EPB41L3: variants seen among roughly 807,000 people sequenced by gnomAD.
EPB41L3 encodes band 4.1-like protein 3.
Under a neutral mutation model 127.1 loss-of-function variants are expected in EPB41L3, and 57 were observed. The observed-to-expected ratio is 0.45, with a 90% CI of 0.36 to 0.56. The LOEUF (loss-of-function observed/expected upper bound fraction) is 0.56, where lower values mean the gene tolerates loss of function less well. Ranked by LOEUF, EPB41L3 falls within the 20% of genes least tolerant of loss-of-function variation. The pLI is 0.00. For missense variants in EPB41L3, 1,273 were observed against 1,372.2 expected, an observed-to-expected ratio of 0.93 and a Z score of 1.14; for synonymous variants, 572 against 549.5, an observed-to-expected ratio of 1.04 and a Z score of -0.57.
At chr18:5,483,736 A>G (rs1047925366) in intron 2 of EPB41L3, among the ~76,000 whole-genome samples, 2 of 152,138 alleles carry the variant, frequency 1.3e-5, no homozygotes, top group Admixed American at 6.5e-5. Flanking sequence ...AGGTCACTAC[A>G]TAATGATAAA....
chr18:5,536,619 C>T (rs974363862), intron 1 of EPB41L3, among the ~76,000 whole-genome samples: 15 of 150,108 alleles, frequency 1.0e-4, no homozygotes, highest in East Asian at 5.9e-4. Flanking sequence ...GCCTTGCCAA[C>T]GTGGTAAAAC....
intron 16 of EPB41L3, among the ~76,000 whole-genome samples, chr18:5,406,201 A>C (rs538895750): frequency 6.6e-6 from 1 of 152,332 alleles, no homozygotes; most frequent in East Asian, 1.9e-4. Context: ...CAGTGAGACA[A>C]GATCACCCCA....
At chr18:5,508,720 T>C (rs549905984) in intron 1 of EPB41L3, among the ~76,000 whole-genome samples, 315 of 128,728 alleles carry the variant, frequency 2.4e-3, no homozygotes, top group Non-Finnish European at 3.9e-3. Context: ...TGAGCCGAGA[T>C]AGCACCACTG....
intron 3 of EPB41L3, among the ~76,000 whole-genome samples, chr18:5,566,647 T>A (rs1419419487): frequency 6.6e-6 from 1 of 152,096 alleles, no homozygotes; most frequent in Non-Finnish European, 1.5e-5. Flanking sequence ...AGAGTCTGCA[T>A]CGCCAAGTCA....
chr18:5,422,092 G>C (rs17466824), intron 11 of EPB41L3, among the ~76,000 whole-genome samples: 2 of 151,764 alleles, frequency 1.3e-5, no homozygotes, highest in African/African-American at 4.8e-5. Flanking sequence ...CGTCAAAGGC[G>C]GCCTTATTCC....
At chr18:5,439,892 T>C (rs1387039909) in intron 5 of EPB41L3, among the ~76,000 whole-genome samples, 1 of 152,244 alleles carries the variant, frequency 6.6e-6, no homozygotes, top group Non-Finnish European at 1.5e-5. Flanking sequence ...ATTGCTCTTT[T>C]ATAATTTTTA....
intron 3 of EPB41L3, among the ~76,000 whole-genome samples, chr18:5,464,238 TA>T (rs2084554273): frequency 6.6e-6 from 1 of 152,206 alleles, no homozygotes; most frequent in Non-Finnish European, 1.5e-5. Context: ...TTGCCTTAAA[TA>T]CCTCTACAGG....
At chr18:5,609,221 A>G (rs1363524946) in intron 3 of EPB41L3, among the ~76,000 whole-genome samples, 1 of 152,196 alleles carries the variant, frequency 6.6e-6, no homozygotes, top group Non-Finnish European at 1.5e-5. Flanking sequence ...GGTATGCCTC[A>G]ACTTATTTCT....
intron 1 of EPB41L3, among the ~76,000 whole-genome samples, chr18:5,541,766 G>T (rs1213486422): frequency 1.3e-5 from 2 of 152,112 alleles, no homozygotes; most frequent in African/African-American, 4.8e-5. Flanking sequence ...AAAATTAAAC[G>T]CAAATATTTC....
intron 3 of EPB41L3, among the ~76,000 whole-genome samples, chr18:5,555,969 A>G (rs887303998): frequency 5.3e-5 from 8 of 152,266 alleles, no homozygotes; most frequent in Non-Finnish European, 8.8e-5. Context: ...CTCTGCTTCA[A>G]ACATTGCACC....
At chr18:5,514,177 T>G (rs1423596489) in intron 1 of EPB41L3, among the ~76,000 whole-genome samples, 1 of 152,234 alleles carries the variant, frequency 6.6e-6, no homozygotes, top group Non-Finnish European at 1.5e-5. Context: ...TCCTCCTTCC[T>G]GCCCTAACTT....
intron 2 of EPB41L3, among the ~76,000 whole-genome samples, chr18:5,483,187 T>C (rs1599581842): frequency 6.6e-6 from 1 of 152,250 alleles, no homozygotes; most frequent in African/African-American, 2.4e-5. Context: ...TGTGTGTGTA[T>C]GTGCGTGCAT....
chr18:5,501,788 CT>C (rs1380005759), intron 1 of EPB41L3, among the ~76,000 whole-genome samples: 1 of 152,106 alleles, frequency 6.6e-6, no homozygotes, highest in Non-Finnish European at 1.5e-5. Flanking sequence ...AATGCATCCA[CT>C]TTTATCTCTT....
At chr18:5,452,556 G>A (rs901893761) in intron 3 of EPB41L3, among the ~76,000 whole-genome samples, 1 of 152,082 alleles carries the variant, frequency 6.6e-6, no homozygotes, top group Non-Finnish European at 1.5e-5. Context: ...CTTCTGTAGA[G>A]ATGGGGTCTT....
At chr18:5,394,982 A>T in intron 21 of EPB41L3, 85 bp downstream of exon 21, 1 of 1,363,450 alleles carries the variant, frequency 7.3e-7, no homozygotes, top group South Asian at 1.2e-5. Flanking sequence ...TACATGCTGG[A>T]CTAGAGGAAT....
At chr18:5,568,770 T>A (rs953020405) in intron 3 of EPB41L3, among the ~76,000 whole-genome samples, 10 of 152,152 alleles carry the variant, frequency 6.6e-5, no homozygotes, top group Admixed American at 5.2e-4. Flanking sequence ...CCCCTAACTT[T>A]CCGAATTTAG....
chr18:5,604,521 T>C (rs2094627177), intron 3 of EPB41L3, among the ~76,000 whole-genome samples: 2 of 152,140 alleles, frequency 1.3e-5, no homozygotes, highest in African/African-American at 4.8e-5. Context: ...TGGCACAATC[T>C]TGGCTCACTG....
At chr18:5,581,682 C>CA (rs531939804) in intron 3 of EPB41L3, among the ~76,000 whole-genome samples, 26 of 152,238 alleles carry the variant, frequency 1.7e-4, no homozygotes, top group African/African-American at 6.3e-4. Flanking sequence ...TTTAGGTCTT[C>CA]AAAACACAGA....
At chr18:5,445,543 G>A (rs951808250) in intron 3 of EPB41L3, among the ~76,000 whole-genome samples, 2 of 152,134 alleles carry the variant, frequency 1.3e-5, no homozygotes, top group African/African-American at 4.8e-5. Flanking sequence ...AAGCAACTGG[G>A]GAAAATAATG....
Sources: gnomAD v4.1 joint callset for allele counts (sites outside exome capture counted in the v4.1 genomes callset) on GRCh38, gnomAD v4.1.1 for gene constraint, MANE v1.5 for transcripts, NCBI Gene and HGNC (gene_info 2026-07-23, HGNC 2026-07-21) for gene names.